PIP4K2C: variants seen among roughly 807,000 people sequenced by gnomAD.
The protein encoded by PIP4K2C is phosphatidylinositol-5-phosphate 4-kinase type 2 gamma.
A neutral mutation model predicts 45.0 loss-of-function variants in PIP4K2C; 21 were observed. That is an observed-to-expected ratio of 0.47 (90% confidence interval 0.33 to 0.67). PIP4K2C has a LOEUF of 0.67. Ranked by LOEUF, PIP4K2C falls within the 30% of genes least tolerant of loss-of-function variation. The pLI, the probability that PIP4K2C is intolerant of heterozygous loss-of-function variation, is 0.02. For missense variants in PIP4K2C, 456 were observed against 542.8 expected (o/e 0.84, Z 1.59); for synonymous variants, 201 against 204.8 (o/e 0.98, Z 0.16).
Position 57,594,005 on chromosome 12 carries a change from T to C in PIP4K2C, c.175-20T>C, listed in dbSNP as rs1400087610. On this transcript the variant is annotated intron_variant, in intron 1 of 9. Transcript: ENST00000354947. Reference sequence around the variant, plus strand: ...CACACCCTTCTTCATGGCTTCCCTATTCATGGTTTGGCTTATCAGATCAAT... The same window carrying C: ...CACACCCTTCTTCATGGCTTCCCTACTCATGGTTTGGCTTATCAGATCAAT... The C allele has an allele frequency of 1.2e-5, 19 of 1,604,084 alleles. No individual in the cohort carries two copies. In the East Asian group the frequency reaches 4.2e-4, roughly 36 times the overall value.
chr12:57,593,951 T>C, intron 1 of PIP4K2C, 74 bp from the exon 2 acceptor site: 1 of 1,104,184 alleles, frequency 9.1e-7, no homozygotes, highest in Non-Finnish European at 1.3e-6. Flanking sequence ...GCATGACTGC[T>C]GCCCAGACAC....
At chr12:57,591,539 G>A in intron 1 of PIP4K2C, 76 bp downstream of exon 1, 1 of 1,465,300 alleles carries the variant, frequency 6.8e-7, no homozygotes, top group Non-Finnish European at 9.1e-7. Context: ...CCAGGCTCCA[G>A]CCTCCGGAGC....
chr12:57,600,552 C>A, intron 7 of PIP4K2C, 115 bp downstream of exon 7: 1 of 828,450 alleles, frequency 1.2e-6, no homozygotes, highest in Non-Finnish European at 1.9e-6. Context: ...TCTTCAGGTC[C>A]TCTGCCTATA....
intron 7 of PIP4K2C, 79 bp downstream of exon 7, chr12:57,600,516 G>C: frequency 2.0e-6 from 2 of 995,612 alleles, no homozygotes; most frequent in Non-Finnish European, 3.1e-6. Flanking sequence ...TTCACGGTAT[G>C]AGGGAGCTCC....
In PIP4K2C at chr12:57,591,250, G is replaced by T. The variant is rs757760573; in HGVS notation, c.-40G>T. 5.1e-6 allele frequency: 8 copies of T among 1,566,806 alleles called. No individual in the cohort carries two copies. The highest frequency in any genetic ancestry group is 1.8e-5 in the Admixed American group (1 of 55,700). ...TCCGGGGTCGGGCGCCTGGATAGCTGCCGGCTCCGGCTTCCACTTGGTCGG... is the reference window on the plus strand; with the variant it reads ...TCCGGGGTCGGGCGCCTGGATAGCTTCCGGCTCCGGCTTCCACTTGGTCGG... On this transcript the variant is annotated 5_prime_UTR_variant, in exon 1 of 10. Coordinates refer to ENST00000354947, the MANE Select transcript of PIP4K2C (RefSeq NM_024779.5).
intron 1 of PIP4K2C, among the ~76,000 whole-genome samples, chr12:57,592,949 A>G (rs1444821797): frequency 6.9e-6 from 1 of 144,174 alleles, no homozygotes; most frequent in African/African-American, 2.6e-5. Flanking sequence ...CTCCTTTTCT[A>G]CTGAGAACGG....
At chr12:57,595,104 A>T (rs770976850) in intron 2 of PIP4K2C, 22 bp from the exon 3 acceptor site, 1 of 1,466,302 alleles carries the variant, frequency 6.8e-7, no homozygotes, top group Non-Finnish European at 9.6e-7. Context: ...TTGTTTTCTT[A>T]CTTTGAAAAC....
At chr12:57,598,655 T>C (rs997911125) in intron 4 of PIP4K2C, among the ~76,000 whole-genome samples, 1 of 151,944 alleles carries the variant, frequency 6.6e-6, no homozygotes, top group African/African-American at 2.4e-5. Flanking sequence ...TGCAGACATT[T>C]TAAATTATGG....
At chr12:57,593,071 C>G (rs1006326492) in intron 1 of PIP4K2C, among the ~76,000 whole-genome samples, 2 of 152,048 alleles carry the variant, frequency 1.3e-5, no homozygotes, top group Admixed American at 6.5e-5. Context: ...AATTAATAGA[C>G]ATGTCAGGAT....
intron 4 of PIP4K2C, among the ~76,000 whole-genome samples, chr12:57,598,353 T>G (rs1345702415): frequency 6.6e-6 from 1 of 152,038 alleles, no homozygotes; most frequent in Non-Finnish European, 1.5e-5. Context: ...AAACCCCGCT[T>G]CTACTAAAAT....
rs111877962 is a variant in PIP4K2C at position 57,595,619 on chromosome 12, C to T, written c.370-269C>T. On this transcript the variant is annotated intron_variant, in intron 3 of 9. Coordinates refer to ENST00000354947, the MANE Select transcript of PIP4K2C (RefSeq NM_024779.5). ...TTGGGAGGCTGAGGCAGGAGAATCACCTGAACTTGGGAGGCGAAGGTTGCA... is the reference window on the plus strand; with the variant it reads ...TTGGGAGGCTGAGGCAGGAGAATCATCTGAACTTGGGAGGCGAAGGTTGCA... Among the ~76,000 whole-genome samples the T allele has an allele frequency of 7.0e-3, 1,062 of 151,130 alleles. 12 individuals carry two copies. The highest frequency in any genetic ancestry group is 0.024 in the African/African-American group (996 of 41,192).
intron 4 of PIP4K2C, among the ~76,000 whole-genome samples, chr12:57,597,791 G>A (rs1883255485): frequency 6.6e-6 from 1 of 152,102 alleles, no homozygotes; most frequent in African/African-American, 2.4e-5. Context: ...TCAGGAGGGT[G>A]GTATAATAAG....
At chr12:57,593,441 T>G (rs1883047373) in intron 1 of PIP4K2C, among the ~76,000 whole-genome samples, 1 of 92,914 alleles carries the variant, frequency 1.1e-5, no homozygotes, top group Admixed American at 1.4e-4. Flanking sequence ...TGAAATCAGC[T>G]GCTCTTCCTT....
intron 1 of PIP4K2C, among the ~76,000 whole-genome samples, chr12:57,592,346 T>C (rs941410934): frequency 3.9e-5 from 6 of 152,212 alleles, no homozygotes; most frequent in Non-Finnish European, 8.8e-5. Flanking sequence ...GCAGTTATCT[T>C]GAATGTGACA....
In PIP4K2C at chr12:57,599,437, A is replaced by G; in HGVS notation, c.698A>G (p.Lys233Arg). ...LVSREASDKE[K>R]VKELPTLKDM... The stretch of plus-strand genomic sequence containing the variant: ...TCCCGGGAAGCCAGCGATAAGGAAA[A>G]GGTGATAGTAATTTTATGTGCTAGG... The change falls in exon 6 of 10, where the codon AAG becomes AGG. Residue 233 changes from lysine to arginine, a missense_variant and splice_region_variant. Lys to Arg is a conservative substitution (Grantham distance 26, BLOSUM62 2). Around this residue, in one of 2 missense-constraint regions of PIP4K2C, gnomAD observed 421 missense variants for 473.1 expected, o/e 0.89. Transcript: ENST00000354947. 1.2e-6 allele frequency: 2 copies of G among 1,614,114 alleles called. No homozygotes were observed. The highest frequency in any genetic ancestry group is 1.7e-6 in the Non-Finnish European group (2 of 1,179,996).
At chr12:57,595,287 A>T in intron 3 of PIP4K2C, 65 bp downstream of exon 3, 1 of 1,035,154 alleles carries the variant, frequency 9.7e-7, no homozygotes, top group Admixed American at 1.8e-5. Flanking sequence ...ACTATTTGGG[A>T]CAGCCATATT....
Position 57,601,730 on chromosome 12 carries a change from C to T in PIP4K2C, c.*124C>T, listed in dbSNP as rs1883450848. The T allele has an allele frequency of 7.3e-6, 6 of 826,140 alleles. No individual in the cohort carries two copies. The highest frequency in any genetic ancestry group is 2.6e-4 in the Middle Eastern group (1 of 3,836). 51.2% of individuals were successfully genotyped at this position (826,140 alleles called of 1,614,324 possible). ...GCTAAATTCAGGCTGCAGGCTCCTT[C>T]CATCCAGATAACTCCATCCTGTCGA... On this transcript the variant is annotated 3_prime_UTR_variant, in exon 10 of 10. Coordinates refer to ENST00000354947, the MANE Select transcript of PIP4K2C (RefSeq NM_024779.5).
At position 57,600,982 on chromosome 12, in the gene PIP4K2C, C is replaced by T. The variant is rs188086981; in HGVS notation, c.985C>T (p.Pro329Ser). The T allele has an allele frequency of 1.9e-6, 3 of 1,614,192 alleles. No individual in the cohort carries two copies. The Admixed American group carries it at 5.0e-5, about 27-fold the overall frequency. Residue 329 changes from proline to serine, a missense_variant, in exon 8 of 10, where the codon CCA becomes TCA. Pro to Ser is a moderately conservative substitution (Grantham distance 74, BLOSUM62 -1). Coordinates refer to ENST00000354947, the MANE Select transcript of PIP4K2C (RefSeq NM_024779.5). ...PALVGSYGTS[P>S]EGIGGYIHSH... is the part of the protein sequence containing the mutation. ...TCTGGTGGGCTCCTATGGCACCTCC[C>T]CAGAGGGTATCGGAGGCTACATCCA...
intron 4 of PIP4K2C, among the ~76,000 whole-genome samples, chr12:57,597,724 T>A (rs187554233): frequency 3.8e-4 from 58 of 152,286 alleles, no homozygotes; most frequent in African/African-American, 1.3e-3. Context: ...TGGACACTTT[T>A]AATTATTTAT....
Sources: allele counts gnomAD v4.1 joint callset (sites outside exome capture counted in the v4.1 genomes callset), GRCh38; gene constraint gnomAD v4.1.1; regional missense constraint gnomAD v4.1.1; transcripts MANE v1.5; gene names NCBI Gene and HGNC (gene_info 2026-07-23, HGNC 2026-07-21).